PLB1: variants seen among roughly 807,000 people sequenced by gnomAD.
The protein encoded by PLB1 is phospholipase B1, membrane-associated.
PLB1 carries 242 observed loss-of-function variants against 227.4 expected under a neutral mutation model. The ratio of observed to expected loss-of-function variants is 1.06; its 90% CI spans 0.96 to 1.18. The LOEUF (loss-of-function observed/expected upper bound fraction) is 1.18. Among genes scored for constraint, PLB1 ranks in the 50% most tolerant of loss-of-function variants. The pLI is 0.00. For synonymous variants in PLB1, 757 were observed against 682.2 expected (o/e 1.11, Z -1.71); for missense variants, 1,858 against 1,816.3 (o/e 1.02, Z -0.42).
At position 28,625,184 on chromosome 2, in the gene PLB1, G is replaced by T. The variant is rs1028431592; in HGVS notation, c.3579+76G>T. 4.6e-5 allele frequency: 63 copies of T among 1,383,600 alleles called. No individual in the cohort carries two copies. In the African/African-American group the frequency reaches 8.9e-4, roughly 19 times the overall value. The allele number at this position is 1,383,600 out of a possible 1,614,324, so 85.7% of individuals were successfully genotyped here. On this transcript the variant is annotated intron_variant, in intron 50 of 57. Coordinates refer to ENST00000327757, the MANE Select transcript of PLB1 (RefSeq NM_153021.5). The stretch of plus-strand genomic sequence containing the variant: ...CTGGGGAGGGGACAGCCCCATAAGG[G>T]TCCCTCTCACCACAGCACTTCCTGC...
chr2:28,607,505 A>T (rs1388117847), intron 43 of PLB1, among the ~76,000 whole-genome samples: 1 of 152,182 alleles, frequency 6.6e-6, no homozygotes, highest in Non-Finnish European at 1.5e-5. Context: ...CAAGAATGGC[A>T]GGAAGAAGGG....
chr2:28,601,525 C>A (rs146700792), intron 37 of PLB1, among the ~76,000 whole-genome samples, 193 bp downstream of exon 37: 5 of 151,848 alleles, frequency 3.3e-5, no homozygotes, highest in African/African-American at 7.3e-5. Context: ...CCCTCCAGGT[C>A]CTTGGCACCA....
In PLB1 at chr2:28,628,455, C is replaced by G. The variant is rs1183042298; in HGVS notation, c.3661-108C>G. Reference sequence around the variant, plus strand: ...TTTGACCAGGACCACCGAAGCCCCTCTGTACCCACTCAGTCATTTAGCCCA... The same window carrying G: ...TTTGACCAGGACCACCGAAGCCCCTGTGTACCCACTCAGTCATTTAGCCCA... On this transcript the variant is annotated intron_variant, in intron 51 of 57. Coordinates refer to ENST00000327757, the MANE Select transcript of PLB1 (RefSeq NM_153021.5). The G allele has an allele frequency of 3.1e-6, 3 of 957,582 alleles. No homozygotes were observed. In the African/African-American group the frequency reaches 4.8e-5, roughly 15 times the overall value. The allele number at this position is 957,582 out of a possible 1,614,324, so 59.3% of individuals were successfully genotyped here. A position where few individuals can be genotyped will look rare whatever the true frequency, so the allele number is the denominator to read the frequency against.
intron 20 of PLB1, among the ~76,000 whole-genome samples, chr2:28,572,130 A>G (rs1054941438): frequency 6.6e-6 from 1 of 152,242 alleles, no homozygotes; most frequent in African/African-American, 2.4e-5. Flanking sequence ...CACAGAAGAT[A>G]TGCAAATGAC....
chr2:28,516,474 C>T (rs1668863177), intron 1 of PLB1, among the ~76,000 whole-genome samples: 1 of 152,202 alleles, frequency 6.6e-6, no homozygotes. Flanking sequence ...TCTGACATTA[C>T]CTTCTTTGTG....
In PLB1 at chr2:28,581,968, GAAAAA is replaced by G. The variant is rs5830085; in HGVS notation, c.1567-92_1567-88del. 6 of 991,708 alleles carry G rather than the reference GAAAAA, an allele frequency of 6.1e-6. No individual in the cohort carries two copies. In the South Asian group the frequency reaches 9.8e-5, roughly 16 times the overall value. The allele number at this position is 991,708 out of a possible 1,614,324, so 61.4% of individuals were successfully genotyped here. A position where few individuals can be genotyped will look rare whatever the true frequency, so the allele number is the denominator to read the frequency against. ...AGAGTGAGATCCTATCTCAAAAAAA[GAAAAA>G]AAAAAAAGAAGGGGACCCAAGAGAG... On this transcript the variant is annotated intron_variant, in intron 23 of 57. Coordinates refer to ENST00000327757, the MANE Select transcript of PLB1 (RefSeq NM_153021.5).
At chr2:28,580,639 A>C (rs998731780) in intron 23 of PLB1, among the ~76,000 whole-genome samples, 15 of 152,034 alleles carry the variant, frequency 9.9e-5, no homozygotes, top group Admixed American at 8.5e-4. Context: ...GCTTGAACCC[A>C]GGTGGCAGAG....
At chr2:28,600,237 G>A (rs571087360) in intron 35 of PLB1, among the ~76,000 whole-genome samples, 2 of 152,304 alleles carry the variant, frequency 1.3e-5, no homozygotes, top group South Asian at 2.1e-4. Context: ...ACCCAAGCAT[G>A]TGTAGAGCAC....
chr2:28,541,674 C>G (rs757077565), intron 12 of PLB1, 33 bp from the exon 13 acceptor site: 2 of 1,565,206 alleles, frequency 1.3e-6, no homozygotes, highest in East Asian at 2.2e-5. Flanking sequence ...CGCTCATGTT[C>G]CTGGATGGGC....
Position 28,590,082 on chromosome 2 carries a change from G to T in PLB1, c.2088+6G>T, listed in dbSNP as rs1484308777. 2 of 1,608,514 alleles carry T rather than the reference G, an allele frequency of 1.2e-6. No homozygotes were observed. Among genetic ancestry groups the T allele is most frequent in the Non-Finnish European group, 1.7e-6 (2 of 1,174,890 alleles). On this transcript the variant is annotated splice_donor_region_variant and intron_variant, in intron 29 of 57. Transcript: ENST00000327757. ...ATATCACATGTCCGAACCAGGTAGA[G>T]TGGAAAGCACGTCCTTCCAGGCTCC...
chr2:28,499,107 A>AT (rs1359471068), intron 1 of PLB1, among the ~76,000 whole-genome samples: 1 of 900 alleles, frequency 1.1e-3, no homozygotes, highest in African/African-American at 0.01. Context: ...TTTTATTTTG[A>AT]AATGTTTGTT....
rs911120138 is a variant in PLB1 at position 28,539,160 on chromosome 2, A to G, written c.680A>G (p.Tyr227Cys). The G allele has an allele frequency of 6.2e-7, 1 of 1,613,860 alleles. No homozygotes were observed. The highest frequency in any genetic ancestry group is 8.5e-7 in the Non-Finnish European group (1 of 1,179,706). ...GAGGTTGCAGAGGTCTCTCGTCAGTATCACGGCACTTGGCTCAGGTAAAAG... is the reference window on the plus strand; with the variant it reads ...GAGGTTGCAGAGGTCTCTCGTCAGTGTCACGGCACTTGGCTCAGGTAAAAG... ...LSEVAEVSRQ[Y>C]HGTWLSPAPE... The change falls in exon 11 of 58, where the codon TAT becomes TGT. Residue 227 changes from tyrosine to cysteine, a missense_variant. Transcript: ENST00000327757.
rs1054121256 is a variant in PLB1 at position 28,619,524 on chromosome 2, GT to G, written c.3316-724del. Among the ~76,000 whole-genome samples, 266 of 47,176 alleles carry G rather than the reference GT, an allele frequency of 5.6e-3. 2 individuals carry two copies. Among genetic ancestry groups the G allele is most frequent in the East Asian group, 0.03 (24 of 804 alleles). The allele number at this position is 47,176 out of a possible 152,430, so 30.9% of individuals were successfully genotyped here. ...TTACTTTTGTAAATTTCAAGGTTTT[GT>G]TTTTTTTTTTTTTTTTAAGACAGGG... is the stretch of plus-strand genomic sequence containing the variant. On this transcript the variant is annotated intron_variant, in intron 46 of 57. Transcript: ENST00000327757.
chr2:28,547,294 C>G (rs1316758282), intron 14 of PLB1, among the ~76,000 whole-genome samples: 1 of 151,872 alleles, frequency 6.6e-6, no homozygotes, highest in African/African-American at 2.4e-5. Context: ...CTCAATACTT[C>G]CTTTGACAGC....
At chr2:28,525,391 T>C (rs912778174) in intron 5 of PLB1, 84 bp downstream of exon 5, 4 of 1,463,178 alleles carry the variant, frequency 2.7e-6, no homozygotes, top group Non-Finnish European at 2.8e-6. Flanking sequence ...TGGGAAAGAT[T>C]GGAGGCCAGG....
At chr2:28,516,987 G>A in intron 2 of PLB1, 118 bp downstream of exon 2, 1 of 995,898 alleles carries the variant, frequency 1.0e-6, no homozygotes, top group Non-Finnish European at 1.5e-6. Context: ...GAGGCCTTGA[G>A]GGAATGGGCT....
rs141173438 is a variant in PLB1, at chr2:28,601,469, C to CAACACACACACACACACACACA, written c.2607+137_2607+138insAACACACACACACACACACACA. 12 of 600,184 alleles carry CAACACACACACACACACACACA rather than the reference C, an allele frequency of 2.0e-5. No individual in the cohort carries two copies. The African/African-American group carries it at 2.2e-4, about 11-fold the overall frequency. The allele number at this position is 600,184 out of a possible 1,614,324, so 37.2% of individuals were successfully genotyped here. On this transcript the variant is annotated intron_variant, in intron 37 of 57. Transcript: ENST00000327757. ...ACCTATGTCTGCACATATACACATA[C>CAACACACACACACACACACACA]CACACACACACACACACACACACAC...
chr2:28,542,188 A>G (rs955390263), intron 13 of PLB1, among the ~76,000 whole-genome samples: 14 of 151,420 alleles, frequency 9.2e-5, no homozygotes, highest in African/African-American at 3.2e-4. Context: ...TGGGCCATAC[A>G]TCTGTTCCTG....
At chr2:28,551,007 C>T (rs10170463) in intron 16 of PLB1, among the ~76,000 whole-genome samples, 1 of 151,950 alleles carries the variant, frequency 6.6e-6, no homozygotes, top group Non-Finnish European at 1.5e-5. Flanking sequence ...GTTCATCTTC[C>T]GAGCTGCCTC....
Sources: allele counts gnomAD v4.1 joint callset (sites outside exome capture counted in the v4.1 genomes callset), GRCh38; gene constraint gnomAD v4.1.1; transcripts MANE v1.5; gene names NCBI Gene and HGNC (gene_info 2026-07-23, HGNC 2026-07-21).